The following RGL1 variants were observed in gnomAD, a reference collection of about 807,000 sequenced individuals.
RGL1 encodes ral guanine nucleotide dissociation stimulator like 1, also known as ral guanine nucleotide dissociation stimulator-like 1.
Under a neutral mutation model 95.2 loss-of-function variants are expected in RGL1, and 24 were observed. That is an observed-to-expected ratio of 0.25 (90% CI 0.18 to 0.35). The LOEUF (loss-of-function observed/expected upper bound fraction) is 0.35. RGL1 is among the 10% of genes least tolerant of loss of function. The pLI, the probability that RGL1 is intolerant of heterozygous loss-of-function variation, is 1.00. For synonymous variants in RGL1, 329 were observed against 344.9 expected, an observed-to-expected ratio of 0.95 and a Z score of 0.51; for missense variants, 715 against 936.3, an observed-to-expected ratio of 0.76 and a Z score of 3.08.
intron 16 of RGL1, among the ~76,000 whole-genome samples, chr1:183,917,842 A>G (rs1243422120): frequency 2.0e-5 from 3 of 152,230 alleles, no homozygotes; most frequent in Non-Finnish European, 4.4e-5. Flanking sequence ...AAGGCTTTTA[A>G]GTAGTGATGG....
At chr1:183,725,473 A>G (rs1358998724) in intron 1 of RGL1, among the ~76,000 whole-genome samples, 1 of 152,214 alleles carries the variant, frequency 6.6e-6, no homozygotes, top group African/African-American at 2.4e-5. Context: ...TGTGTAGTCT[A>G]TAAAAATTTA....
chr1:183,780,110 G>T (rs1038545982), intron 2 of RGL1, among the ~76,000 whole-genome samples: 1 of 152,152 alleles, frequency 6.6e-6, no homozygotes, highest in Non-Finnish European at 1.5e-5. Context: ...ACCTGTGAAT[G>T]GGTGCAACAT....
intron 2 of RGL1, among the ~76,000 whole-genome samples, chr1:183,773,854 CAA>C (rs1659440299): frequency 6.6e-6 from 1 of 151,066 alleles, no homozygotes; most frequent in Non-Finnish European, 1.5e-5. Context: ...AAATGGCAAA[CAA>C]AGAGACTTGA....
chr1:183,870,075 AT>A (rs1283114182), intron 4 of RGL1, among the ~76,000 whole-genome samples: 1 of 152,184 alleles, frequency 6.6e-6, no homozygotes, highest in African/African-American at 2.4e-5. Context: ...CCCTAAAAGC[AT>A]GCCAACAGAC....
At chr1:183,897,596 C>T (rs1667776597) in intron 9 of RGL1, among the ~76,000 whole-genome samples, 1 of 151,880 alleles carries the variant, frequency 6.6e-6, no homozygotes, top group South Asian at 2.1e-4. Context: ...AATCCAAGTC[C>T]ACCAGCCTCG....
At position 183,916,523 on chromosome 1, in the gene RGL1, A is replaced by G. The variant is rs745697846; in HGVS notation, c.1826A>G (p.Asn609Ser). 2.5e-6 allele frequency: 4 copies of G among 1,606,094 alleles called. No homozygotes were observed. Among genetic ancestry groups the G allele is most frequent in the Non-Finnish European group, 3.4e-6 (4 of 1,177,890 alleles). ...TCCTCAGGGATGTCTTCCTTAATCA[A>G]CCCCCTCTCCTCCCCTCCGTCCTGC... is the stretch of plus-strand genomic sequence containing the variant. ...TNSSGMSSLI[N>S]PLSSPPSCNN... Residue 609 changes from asparagine (N) to serine (S), a missense_variant, in exon 16 of 18, where the codon AAC becomes AGC. By Grantham distance (46) the Asn-to-Ser change is conservative. This residue lies in a region of RGL1 where 330 missense variants were observed against 429.6 expected (regional missense o/e 0.77). Coordinates refer to ENST00000360851, the MANE Select transcript of RGL1 (RefSeq NM_001297671.3).
chr1:183,852,449 A>T (rs1339878712), intron 3 of RGL1, among the ~76,000 whole-genome samples: 1 of 152,114 alleles, frequency 6.6e-6, no homozygotes, highest in Non-Finnish European at 1.5e-5. Flanking sequence ...AAAGTTCTTG[A>T]ATTCTGGGCC....
intron 5 of RGL1, among the ~76,000 whole-genome samples, chr1:183,882,264 T>C (rs968424448): frequency 3.9e-5 from 6 of 152,240 alleles, no homozygotes; most frequent in African/African-American, 1.4e-4. Flanking sequence ...AGCAACATTA[T>C]AGACACACAT....
chr1:183,846,080 A>G (rs1664406326), intron 2 of RGL1, among the ~76,000 whole-genome samples: 1 of 152,234 alleles, frequency 6.6e-6, no homozygotes, highest in African/African-American at 2.4e-5. Context: ...TCTACTATAA[A>G]GACACATGCA....
At chr1:183,839,593 A>G (rs546786001) in intron 2 of RGL1, among the ~76,000 whole-genome samples, 1 of 152,278 alleles carries the variant, frequency 6.6e-6, no homozygotes, top group African/African-American at 2.4e-5. Flanking sequence ...TGGTTTTTCC[A>G]ACTTTAAAAC....
intron 2 of RGL1, among the ~76,000 whole-genome samples, chr1:183,828,140 A>G (rs180918376): frequency 2.6e-5 from 4 of 152,296 alleles, no homozygotes; most frequent in East Asian, 3.9e-4. Flanking sequence ...CAAACATACT[A>G]TTACTGCCAG....
At chr1:183,805,865 A>C (rs1168739978) in intron 1 of RGL1, among the ~76,000 whole-genome samples, 2 of 151,646 alleles carry the variant, frequency 1.3e-5, no homozygotes. Context: ...CGTTTTAAAC[A>C]CTTGTTTGTG....
intron 4 of RGL1, among the ~76,000 whole-genome samples, chr1:183,874,421 C>G (rs1368983930): frequency 6.6e-6 from 1 of 152,150 alleles, no homozygotes; most frequent in African/African-American, 2.4e-5. Context: ...GCTTATCCAT[C>G]CTACTCCGGG....
In RGL1 at chr1:183,761,170, G is replaced by C. The variant is rs541827192; in HGVS notation, c.132+18881G>C. ...AATGTTCTTAATGACATCTAGAATG[G>C]TGAATCCTTTCCAAAAGATTTTCAA... is the stretch of plus-strand genomic sequence containing the variant. On this transcript the variant is annotated intron_variant, in intron 2 of 18. Transcript: ENST00000304685. Among the ~76,000 whole-genome samples the C allele has an allele frequency of 3.9e-5, 6 of 152,230 alleles. No individual in the cohort carries two copies. The South Asian group carries it at 1.2e-3, about 32-fold the overall frequency.
rs373364626 is a variant in RGL1, at chr1:183,813,333, C to CACT, written c.138+6850_138+6852dup. 8.5e-5 allele frequency among the ~76,000 whole-genome samples: 13 copies of CACT among 152,320 alleles called. No individual in the cohort carries two copies. The East Asian group carries it at 2.5e-3, about 29-fold the overall frequency. ...CTTCAAGTCAGCCTTCCTCCATATA[C>CACT]ACTAGCAAATGCCTGCGTTACTGTC... On this transcript the variant is annotated intron_variant, in intron 2 of 17. Transcript: ENST00000360851.
chr1:183,660,362 G>A (rs1299244268), intron 1 of RGL1, among the ~76,000 whole-genome samples: 3 of 151,044 alleles, frequency 2.0e-5, no homozygotes, highest in African/African-American at 7.4e-5. Context: ...GATGGAGAAA[G>A]ATCTACCAAG....
chr1:183,643,160 A>G (rs988872747), intron 1 of RGL1, among the ~76,000 whole-genome samples: 12 of 152,320 alleles, frequency 7.9e-5, no homozygotes, highest in African/African-American at 2.9e-4. Flanking sequence ...GTGGGTATCC[A>G]TTCATCTGTC....
In RGL1 at chr1:183,829,329, C is replaced by G. The variant is rs147095378; in HGVS notation, c.139-18237C>G. ...CAATGGTGTATACCTGTAGTCCCAGCTATTCAGGAAGCTGAGGTGAGAGGA... is the reference window on the plus strand; with the variant it reads ...CAATGGTGTATACCTGTAGTCCCAGGTATTCAGGAAGCTGAGGTGAGAGGA... On this transcript the variant is annotated intron_variant, in intron 2 of 17. Transcript: ENST00000360851. 9.3e-4 allele frequency among the ~76,000 whole-genome samples: 142 copies of G among 151,876 alleles called. 1 individual carries two copies. Among genetic ancestry groups the G allele is most frequent in the African/African-American group, 3.4e-3 (139 of 41,412 alleles).
chr1:183,896,511 A>G (rs1421271424), intron 9 of RGL1, among the ~76,000 whole-genome samples: 4 of 152,186 alleles, frequency 2.6e-5, no homozygotes, highest in Admixed American at 6.5e-5. Context: ...AGGCTGAGAG[A>G]TGGAACATGT....
Sources: allele counts gnomAD v4.1 joint callset (sites outside exome capture counted in the v4.1 genomes callset), GRCh38; gene constraint gnomAD v4.1.1; regional missense constraint gnomAD v4.1.1; transcripts MANE v1.5; gene names NCBI Gene and HGNC (gene_info 2026-07-23, HGNC 2026-07-21).